The following CALU variants were observed in gnomAD, a reference collection of about 807,000 sequenced individuals.
The protein encoded by CALU is IEF SSP 9302.
A neutral mutation model predicts 37.5 loss-of-function variants in CALU; 13 were observed. The ratio of observed to expected loss-of-function variants is 0.35; its 90% CI spans 0.23 to 0.55. The LOEUF is 0.55. Ranked by LOEUF, CALU falls within the 20% of genes least tolerant of loss-of-function variation. The pLI, the probability that CALU is intolerant of heterozygous loss-of-function variation, is 0.89. For missense variants in CALU, 282 were observed against 391.7 expected, an observed-to-expected ratio of 0.72 and a Z score of 2.36; for synonymous variants, 114 against 133.8, an observed-to-expected ratio of 0.85 and a Z score of 1.02.
At chr7:128,766,083 A>G (rs1024116528) in intron 5 of CALU, among the ~76,000 whole-genome samples, 3 of 152,108 alleles carry the variant, frequency 2.0e-5, no homozygotes, top group Non-Finnish European at 1.5e-5. Context: ...CAGCCTCCCC[A>G]GTAGCTGGAG....
In CALU at chr7:128,772,406, C is replaced by T. The variant is rs1232721266; in HGVS notation, c.*3239C>T. 10 of 1,063,446 alleles carry T rather than the reference C, an allele frequency of 9.4e-6. No homozygotes were observed. The highest frequency in any genetic ancestry group is 4.2e-5 in the Admixed American group (2 of 47,578). The allele number at this position is 1,063,446 out of a possible 1,614,324, so 65.9% of individuals were successfully genotyped here. A position where few individuals can be genotyped will look rare whatever the true frequency, so the allele number is the denominator to read the frequency against. On this transcript the variant is annotated 3_prime_UTR_variant, in exon 7 of 7. Transcript: ENST00000249364. ...CAATAGTAAGAAAATGAAAAATTGA[C>T]TCCCCAAACTGCCATCACTCCTTTT...
At chr7:128,749,870 C>T (rs978244974) in intron 2 of CALU, among the ~76,000 whole-genome samples, 1 of 152,080 alleles carries the variant, frequency 6.6e-6, no homozygotes, top group Non-Finnish European at 1.5e-5. Flanking sequence ...GGTTGCTTTC[C>T]TTTGGGAGAC....
rs755857759 is a variant in CALU at position 128,754,508 on chromosome 7, C to T, written c.415+53C>T. The stretch of plus-strand genomic sequence containing the variant: ...GCCTTGTGGAGCTGGCACCTTGAAA[C>T]GTAACTGTTTTGTCTTGTAGAATGA... On this transcript the variant is annotated intron_variant, in intron 3 of 6. Transcript: ENST00000249364. The T allele has an allele frequency of 4.1e-5, 66 of 1,595,312 alleles. 1 individual carries two copies. The South Asian group carries it at 6.3e-4, about 15-fold the overall frequency.
chr7:128,740,303 T>C (rs1800184917), intron 1 of CALU, among the ~76,000 whole-genome samples: 1 of 152,224 alleles, frequency 6.6e-6, no homozygotes, highest in Admixed American at 6.5e-5. Context: ...TAGAATAGTG[T>C]CTTCGAGAAT....
At chr7:128,750,832 T>G (rs900037329) in intron 2 of CALU, among the ~76,000 whole-genome samples, 1 of 152,210 alleles carries the variant, frequency 6.6e-6, no homozygotes, top group Non-Finnish European at 1.5e-5. Flanking sequence ...TTCACGACTT[T>G]TTGAAATCTT....
In CALU at chr7:128,773,170, G is replaced by A. The variant is rs761859824; in HGVS notation, c.*4003G>A. Among the ~76,000 whole-genome samples, 4 of 152,230 alleles carry A rather than the reference G, an allele frequency of 2.6e-5. No individual in the cohort carries two copies. The highest frequency in any genetic ancestry group is 5.9e-5 in the Non-Finnish European group (4 of 68,028). On this transcript the variant is annotated 3_prime_UTR_variant, in exon 7 of 7. Transcript: ENST00000249364. ...TTTTAGAGATTTTTGCATGTGGTAT[G>A]ATTTCTGTGCTTCACACATGCTCGT...
chr7:128,744,959 C>G lies in CALU; in HGVS notation c.-11-3614C>G, dbSNP rs530739259. On this transcript the variant is annotated intron_variant, in intron 1 of 6. Transcript: ENST00000249364. ...CTGAAACATAAATGTAGTTTTCCCTCTAAATCACAGAGTAAACCAATCTAT... is the reference window on the plus strand; with the variant it reads ...CTGAAACATAAATGTAGTTTTCCCTGTAAATCACAGAGTAAACCAATCTAT... 3.3e-5 allele frequency among the ~76,000 whole-genome samples: 5 copies of G among 152,278 alleles called. No individual in the cohort carries two copies. The South Asian group carries it at 1.0e-3, about 32-fold the overall frequency.
Position 128,758,979 on chromosome 7 carries a change from A to G in CALU, c.524A>G (p.Glu175Gly). 6.2e-7 allele frequency: 1 copy of G among 1,613,944 alleles called. No individual in the cohort carries two copies. Among genetic ancestry groups the G allele is most frequent in the Non-Finnish European group, 8.5e-7 (1 of 1,179,828 alleles). Residue 175 changes from glutamate to glycine, a missense_variant, in exon 4 of 7, where the codon GAG becomes GGG. Glu to Gly is a moderately conservative substitution (Grantham distance 98, BLOSUM62 -2). Transcript: ENST00000249364. Reference protein sequence around the residue: ...KDGDLIATKEEFTAFLHPEEY... With the variant: ...KDGDLIATKEGFTAFLHPEEY... ...GGAGACCTCATTGCCACCAAGGAGG[A>G]GTTCACAGCTTTCCTGCACCCTGAG...
chr7:128,761,555 GC>G (rs1249780846), intron 5 of CALU: 1 of 152,182 alleles, frequency 6.6e-6, no homozygotes, highest in Non-Finnish European at 1.5e-5. Flanking sequence ...CCTGTGGATA[GC>G]AATTGTACTC....
At chr7:128,759,503 A>G (rs143100021) in intron 4 of CALU, among the ~76,000 whole-genome samples, 224 of 152,340 alleles carry the variant, frequency 1.5e-3, no homozygotes, top group African/African-American at 5.2e-3. Context: ...GCTACCAGGT[A>G]GATCATCATG....
chr7:128,755,406 TAA>T (rs1385672791), intron 3 of CALU, among the ~76,000 whole-genome samples: 1 of 151,098 alleles, frequency 6.6e-6, no homozygotes, highest in Non-Finnish European at 1.5e-5. Flanking sequence ...ATGGTCCCAG[TAA>T]AGTGTTGGAC....
At chr7:128,758,396 A>G (rs188940376) in intron 3 of CALU, among the ~76,000 whole-genome samples, 1 of 152,346 alleles carries the variant, frequency 6.6e-6, no homozygotes, top group East Asian at 1.9e-4. Context: ...TGTGCCAGGC[A>G]TTGTTCTAAG....
chr7:128,748,836 G>A (rs1347299876), intron 2 of CALU, 32 bp downstream of exon 2: 2 of 1,420,456 alleles, frequency 1.4e-6, no homozygotes, highest in Non-Finnish European at 2.0e-6. Flanking sequence ...GTCTAGTGTG[G>A]GTAATGACAT....
rs1801640411 is a variant in CALU, at chr7:128,772,772, C to T, written c.*3605C>T. ...GCACAATGCTTTGTACCCAGAATGC[C>T]CTTAGGTGGTTTTGAATCTATCTTC... On this transcript the variant is annotated 3_prime_UTR_variant, in exon 7 of 7. Transcript: ENST00000249364. 1 of 1,431,786 alleles carries T rather than the reference C, an allele frequency of 7.0e-7. No homozygotes were observed. Among genetic ancestry groups the T allele is most frequent in the Non-Finnish European group, 9.8e-7 (1 of 1,023,692 alleles). The allele number at this position is 1,431,786 out of a possible 1,614,324, so 88.7% of individuals were successfully genotyped here.
chr7:128,740,872 G>A (rs901708269), intron 1 of CALU, among the ~76,000 whole-genome samples: 1 of 152,228 alleles, frequency 6.6e-6, no homozygotes, highest in Middle Eastern at 3.4e-3. Flanking sequence ...GAGCAGTATT[G>A]GGATCTATAT....
At chr7:128,741,096 G>A (rs1172871183) in intron 1 of CALU, among the ~76,000 whole-genome samples, 1 of 152,196 alleles carries the variant, frequency 6.6e-6, no homozygotes, top group Non-Finnish European at 1.5e-5. Context: ...AAGGACAGAG[G>A]TGTAGCCAAG....
chr7:128,748,387 A>G (rs1800527043), intron 1 of CALU, 186 bp from the exon 2 acceptor site: 3 of 1,478,996 alleles, frequency 2.0e-6, no homozygotes, highest in Non-Finnish European at 2.7e-6. Context: ...TCTCACTGTA[A>G]TAATTGAAGA....
chr7:128,757,892 A>G (rs751617442), intron 3 of CALU, among the ~76,000 whole-genome samples: 1 of 148,112 alleles, frequency 6.8e-6, no homozygotes, highest in Non-Finnish European at 1.5e-5. Context: ...TCCAAATTCA[A>G]TTTGGTTGTA....
At position 128,754,451 on chromosome 7, in the gene CALU, T is replaced by C. The variant is rs771362389; in HGVS notation, c.411T>C (p.Val137=). 6.2e-7 allele frequency: 1 copy of C among 1,612,620 alleles called. No individual in the cohort carries two copies. Among genetic ancestry groups the C allele is most frequent in the South Asian group, 1.1e-5 (1 of 90,774 alleles). The change falls in exon 3 of 7, where the codon GTT becomes GTC. Residue 137 remains valine, a synonymous_variant. Transcript: ENST00000249364. ...EEYKNATYGY[V]LDDPDPDDGF... ...ATAAAAATGCCACCTACGGCTACGT[T>C]TTAGGTAGGTCCCTACTGTCTGGGG...
Sources: gnomAD v4.1 joint callset for allele counts (sites outside exome capture counted in the v4.1 genomes callset) on GRCh38, gnomAD v4.1.1 for gene constraint, MANE v1.5 for transcripts, NCBI Gene and HGNC (gene_info 2026-07-23, HGNC 2026-07-21) for gene names.